CDC37L1: variants seen among roughly 807,000 people sequenced by gnomAD.
CDC37L1 encodes hsp90 co-chaperone Cdc37-like 1.
In CDC37L1, 32 loss-of-function variants were observed where a neutral mutation model predicts 45.9. The ratio of observed to expected loss-of-function variants is 0.70; its 90% CI spans 0.53 to 0.94. CDC37L1 has a LOEUF of 0.94. Among genes scored for constraint, CDC37L1 ranks in the 40% least tolerant of loss-of-function variants. CDC37L1 has a pLI of 0.00. For synonymous variants in CDC37L1, 150 were observed against 133.0 expected, an observed-to-expected ratio of 1.13 and a Z score of -0.88; for missense variants, 434 against 405.7, an observed-to-expected ratio of 1.07 and a Z score of -0.60.
In CDC37L1 at chr9:4,706,052, C is replaced by T. The variant is rs773601212; in HGVS notation, c.954C>T (p.Cys318=). 19 of 1,604,708 alleles carry T rather than the reference C, an allele frequency of 1.2e-5. No homozygotes were observed. In the South Asian group the frequency reaches 2.1e-4, roughly 18 times the overall value. The change falls in exon 7 of 7, where the codon TGC becomes TGT. Residue 318 remains cysteine (C), a synonymous_variant. Transcript: ENST00000381854. ...AGTATTCTATCAGTACAGCTCTCTGCAGCTTAAACTCGGTGGTACATAAAG... is the reference window on the plus strand; with the variant it reads ...AGTATTCTATCAGTACAGCTCTCTGTAGCTTAAACTCGGTGGTACATAAAG... The part of the protein sequence containing the change: ...YLQYSISTAL[C]SLNSVVHKED...
chr9:4,686,681 T>C (rs1471341817), intron 2 of CDC37L1, among the ~76,000 whole-genome samples: 1 of 152,212 alleles, frequency 6.6e-6, no homozygotes, highest in African/African-American at 2.4e-5. Flanking sequence ...ACAAATTAAT[T>C]AGGACTATCT....
chr9:4,690,709 C>A lies in CDC37L1; in HGVS notation c.508+2103C>A, dbSNP rs181651139. Among the ~76,000 whole-genome samples the A allele has an allele frequency of 8.6e-4, 131 of 152,300 alleles. 1 individual carries two copies. Among genetic ancestry groups the A allele is most frequent in the Admixed American group, 3.1e-3 (47 of 15,294 alleles). ...ATATCAGAGCCTTGCTGTTTTCACA[C>A]CCAGCCAGACCAATAGCCATTCCCA... On this transcript the variant is annotated intron_variant, in intron 3 of 6. Coordinates refer to ENST00000381854, the MANE Select transcript of CDC37L1 (RefSeq NM_017913.4).
At chr9:4,702,084 G>C in intron 6 of CDC37L1, 56 bp downstream of exon 6, 1 of 890,604 alleles carries the variant, frequency 1.1e-6, no homozygotes, top group Non-Finnish European at 1.6e-6. Flanking sequence ...CATAATTTTT[G>C]TTATTTTGCC....
rs775089565 is a variant in CDC37L1 at position 4,679,814 on chromosome 9, C to T, written c.47C>T (p.Ala16Val). The change falls in exon 1 of 7, where the codon GCC (alanine) becomes GTC (valine). Residue 16 changes from alanine (A) to valine (V), a missense_variant. Ala to Val is a moderately conservative substitution (Grantham distance 64). Coordinates refer to ENST00000381854, the MANE Select transcript of CDC37L1 (RefSeq NM_017913.4). Reference sequence around the variant, plus strand: ...CCGGGACCCTGGAGCCTCCCTCGGGCCGAGGGTGAGGCTGAGGAAGAGAGT... The same window carrying T: ...CCGGGACCCTGGAGCCTCCCTCGGGTCGAGGGTGAGGCTGAGGAAGAGAGT... Reference protein sequence around the residue: ...PPPGPWSLPRAEGEAEEESDF... With the variant: ...PPPGPWSLPRVEGEAEEESDF... 5 of 1,613,864 alleles carry T rather than the reference C, an allele frequency of 3.1e-6. No individual in the cohort carries two copies. Among genetic ancestry groups the T allele is most frequent in the East Asian group, 4.5e-5 (2 of 44,870 alleles).
chr9:4,685,978 C>T (rs573932424), intron 2 of CDC37L1, among the ~76,000 whole-genome samples: 26 of 152,310 alleles, frequency 1.7e-4, no homozygotes, highest in African/African-American at 6.3e-4. Flanking sequence ...GTTTGGTTGA[C>T]ATGATGAAAC....
intron 1 of CDC37L1, among the ~76,000 whole-genome samples, chr9:4,680,441 T>G (rs184230652): frequency 3.3e-5 from 5 of 152,364 alleles, no homozygotes; most frequent in Admixed American, 3.3e-4. Context: ...CCTCTCCCAT[T>G]CGCGTGACCA....
chr9:4,681,046 A>G (rs905224818), intron 1 of CDC37L1, among the ~76,000 whole-genome samples: 2 of 152,240 alleles, frequency 1.3e-5, no homozygotes, highest in African/African-American at 4.8e-5. Context: ...TGGGTCCATC[A>G]TTAGTCACCC....
At chr9:4,683,409 A>G (rs966103522) in intron 1 of CDC37L1, among the ~76,000 whole-genome samples, 4 of 152,074 alleles carry the variant, frequency 2.6e-5, no homozygotes, top group Non-Finnish European at 4.4e-5. Context: ...GTCGGGAGAC[A>G]CTGGGTCAGA....
At chr9:4,691,950 A>G (rs2130848122) in intron 3 of CDC37L1, among the ~76,000 whole-genome samples, 1 of 152,296 alleles carries the variant, frequency 6.6e-6, no homozygotes, top group South Asian at 2.1e-4. Flanking sequence ...CACTGGCTTT[A>G]TGGTCATCAG....
intron 2 of CDC37L1, among the ~76,000 whole-genome samples, chr9:4,687,292 C>T (rs1841255749): frequency 6.6e-6 from 1 of 152,088 alleles, no homozygotes; most frequent in Non-Finnish European, 1.5e-5. Flanking sequence ...TATTTTATGA[C>T]TTATTTAACT....
At chr9:4,681,780 A>G (rs1841196408) in intron 1 of CDC37L1, among the ~76,000 whole-genome samples, 3 of 152,184 alleles carry the variant, frequency 2.0e-5, no homozygotes, top group Admixed American at 6.5e-5. Context: ...TAATTGATTA[A>G]CATTTTATAA....
In CDC37L1 at chr9:4,706,303, G is replaced by T; in HGVS notation, c.*191G>T. The T allele has an allele frequency of 2.5e-6, 1 of 400,846 alleles. No individual in the cohort carries two copies. The highest frequency in any genetic ancestry group is 3.8e-5 in the Admixed American group (1 of 26,336). 24.8% of individuals were successfully genotyped at this position (400,846 alleles called of 1,614,324 possible). ...GTTTTTTGTTTTGTTTTGTTCTGAA[G>T]AGAAGAGTGGTACCATATGTTGCAG... On this transcript the variant is annotated 3_prime_UTR_variant, in exon 7 of 7. Transcript: ENST00000381854.
intron 6 of CDC37L1, among the ~76,000 whole-genome samples, chr9:4,704,320 A>G (rs1841424402): frequency 6.6e-6 from 1 of 152,200 alleles, no homozygotes; most frequent in Admixed American, 6.5e-5. Flanking sequence ...TTGGATTTCT[A>G]TTATGCTTCA....
At position 4,697,790 on chromosome 9, in the gene CDC37L1, G is replaced by A; in HGVS notation, c.658G>A (p.Ala220Thr). The change falls in exon 5 of 7, where the codon GCT becomes ACT. Residue 220 changes from alanine to threonine, a missense_variant. Coordinates refer to ENST00000381854, the MANE Select transcript of CDC37L1 (RefSeq NM_017913.4). ...TTTAATGGAACAAATAGCACATCAA[G>A]CTGTTGTAATGCAGTTTATTATGGA... Reference protein sequence around the residue: ...GALMEQIAHQAVVMQFIMEMA... With the variant: ...GALMEQIAHQTVVMQFIMEMA... The A allele has an allele frequency of 7.7e-6, 12 of 1,558,578 alleles. No homozygotes were observed. The highest frequency in any genetic ancestry group is 1.1e-5 in the Non-Finnish European group (12 of 1,130,496).
In CDC37L1 at chr9:4,704,205, T is replaced by TG. The variant is rs201645004; in HGVS notation, c.913-1805dup. Among the ~76,000 whole-genome samples the TG allele has an allele frequency of 8.0e-3, 1,213 of 152,364 alleles. 13 individuals carry two copies. Among genetic ancestry groups the TG allele is most frequent in the African/African-American group, 0.027 (1,125 of 41,586 alleles). On this transcript the variant is annotated intron_variant, in intron 6 of 6. Coordinates refer to ENST00000381854, the MANE Select transcript of CDC37L1 (RefSeq NM_017913.4). ...TTATTTAATTTTCTCAAACACCCTG[T>TG]GATTCATTTTCATTCATTTTTATAG...
In CDC37L1 at chr9:4,683,082, TTA is replaced by T. The variant is rs1363326839; in HGVS notation, c.133-1785_133-1784del. ...TATTTTAAAATATACTTTATATATT[TTA>T]TATATATATTTTATTTTTATATATA... is the stretch of plus-strand genomic sequence containing the variant. On this transcript the variant is annotated intron_variant, in intron 1 of 6. Transcript: ENST00000381854. 6.3e-5 allele frequency among the ~76,000 whole-genome samples: 9 copies of T among 143,748 alleles called. No individual in the cohort carries two copies. In the South Asian group the frequency reaches 6.3e-4, roughly 10 times the overall value. 94.3% of individuals were successfully genotyped at this position (143,748 alleles called of 152,430 possible). A position where few individuals can be genotyped will look rare whatever the true frequency, so the allele number is the denominator to read the frequency against.
At chr9:4,681,224 A>C (rs1469943850) in intron 1 of CDC37L1, among the ~76,000 whole-genome samples, 1 of 152,246 alleles carries the variant, frequency 6.6e-6, no homozygotes, top group African/African-American at 2.4e-5. Flanking sequence ...TGAATTACAG[A>C]AGTAATCTAG....
In CDC37L1 at chr9:4,700,623, T is replaced by C. The variant is rs534337846; in HGVS notation, c.748-1241T>C. 9.2e-5 allele frequency among the ~76,000 whole-genome samples: 14 copies of C among 152,370 alleles called. No homozygotes were observed. The East Asian group carries it at 2.7e-3, about 29-fold the overall frequency. ...AAAACGGAAAGGCACTGGTCTTCAA[T>C]CTTAACATTGTATGCTTAATAATAC... On this transcript the variant is annotated intron_variant, in intron 5 of 6. Transcript: ENST00000381854.
At chr9:4,685,387 T>C in intron 2 of CDC37L1, 1 of 417,500 alleles carries the variant, frequency 2.4e-6, no homozygotes. Flanking sequence ...CATATTTATA[T>C]AAATGTACTG....
Sources: gnomAD v4.1 joint callset for allele counts (sites outside exome capture counted in the v4.1 genomes callset) on GRCh38, gnomAD v4.1.1 for gene constraint, MANE v1.5 for transcripts, NCBI Gene and HGNC (gene_info 2026-07-23, HGNC 2026-07-21) for gene names.